The following KCNU1 variants were observed in gnomAD, a reference collection of about 807,000 sequenced individuals.
KCNU1 encodes potassium calcium-activated channel subfamily U member 1, also known as potassium channel subfamily U member 1.
Under a neutral mutation model 126.8 loss-of-function variants are expected in KCNU1, and 93 were observed. That is an observed-to-expected ratio of 0.73 (90% confidence interval 0.62 to 0.87). The LOEUF (loss-of-function observed/expected upper bound fraction) is 0.87. KCNU1 is among the 40% of genes least tolerant of loss of function. The pLI is 0.00. For missense variants in KCNU1, 1,330 were observed against 1,367.1 expected (o/e 0.97, Z 0.43); for synonymous variants, 523 against 494.2 (o/e 1.06, Z -0.77).
At position 36,911,173 on chromosome 8, in the gene KCNU1, T is replaced by A. The variant is rs989798597; in HGVS notation, c.2521+54T>A. ...ACTAGGACGTATGGAAAAAAAGAGA[T>A]AATTAACTCCTCTTTGAAGTATTTT... is the stretch of plus-strand genomic sequence containing the variant. On this transcript the variant is annotated intron_variant, in intron 22 of 26. Coordinates refer to ENST00000399881, the MANE Select transcript of KCNU1 (RefSeq NM_001031836.3). 2.9e-6 allele frequency: 4 copies of A among 1,368,620 alleles called. No individual in the cohort carries two copies. The African/African-American group carries it at 5.8e-5, about 20-fold the overall frequency. The allele number at this position is 1,368,620 out of a possible 1,614,324, so 84.8% of individuals were successfully genotyped here. A position where few individuals can be genotyped will look rare whatever the true frequency, so the allele number is the denominator to read the frequency against.
chr8:36,879,692 GA>G (rs1012859866), intron 19 of KCNU1, among the ~76,000 whole-genome samples: 1 of 152,064 alleles, frequency 6.6e-6, no homozygotes, highest in African/African-American at 2.4e-5. Flanking sequence ...GTAGGAATAA[GA>G]AAAAAATTAG....
Position 36,836,333 on chromosome 8 carries a change from A to G in KCNU1, c.1333A>G (p.Ile445Val). ...SIKNYDSTTR[I>V]IIQILQSHNK... is the part of the protein sequence containing the mutation. Reference sequence around the variant, plus strand: ...CAAGAACTATGATTCTACCACCAGAATCATCATACAGATACTGCAATCCCA... The same window carrying G: ...CAAGAACTATGATTCTACCACCAGAGTCATCATACAGATACTGCAATCCCA... The change falls in exon 13 of 27, where the codon ATC (isoleucine) becomes GTC (valine). Residue 445 changes from isoleucine (I) to valine (V), a missense_variant. By Grantham distance (29) the Ile-to-Val change is conservative. Around this residue, in one of 3 missense-constraint regions of KCNU1, gnomAD observed 1,054 missense variants for 1,053.9 expected, o/e 1.00. Transcript: ENST00000399881. 1.9e-6 allele frequency: 3 copies of G among 1,606,840 alleles called. No individual in the cohort carries two copies. The highest frequency in any genetic ancestry group is 1.3e-5 in the African/African-American group (1 of 74,920).
rs564483891 is a variant in KCNU1 at position 36,817,698 on chromosome 8, C to T, written c.1044C>T (p.Phe348=). ...TCACTGTGGACAGTGTGACCGCTTT[C>T]CTGAGGAATTTCCTCCGCGACAAGT... ...GNITVDSVTA[F]LRNFLRDKSG... The change falls in exon 10 of 27, where the codon TTC becomes TTT. Residue 348 remains phenylalanine (F), a synonymous_variant. Transcript: ENST00000399881. The T allele has an allele frequency of 6.4e-5, 103 of 1,613,008 alleles. No homozygotes were observed. Among genetic ancestry groups the T allele is most frequent in the Non-Finnish European group, 8.4e-5 (99 of 1,179,280 alleles).
chr8:36,859,423 G>A (rs1805649089), intron 18 of KCNU1, among the ~76,000 whole-genome samples: 1 of 151,962 alleles, frequency 6.6e-6, no homozygotes, highest in South Asian at 2.1e-4. Context: ...AATTTCCTTG[G>A]TCCCACTACT....
rs1445948459 is a variant in KCNU1 at position 36,928,341 on chromosome 8, AT to A, written c.2737-2609del. Among the ~76,000 whole-genome samples the A allele has an allele frequency of 2.6e-5, 4 of 152,226 alleles. No homozygotes were observed. The East Asian group carries it at 7.8e-4, about 30-fold the overall frequency. ...AGTGGAGAATTATTCTAATGGCATTATGTTCGATCACTCTACACTATGGCCA... is the reference window on the plus strand; with the variant it reads ...AGTGGAGAATTATTCTAATGGCATTAGTTCGATCACTCTACACTATGGCCA... On this transcript the variant is annotated intron_variant, in intron 24 of 26. Coordinates refer to ENST00000399881, the MANE Select transcript of KCNU1 (RefSeq NM_001031836.3).
At chr8:36,813,834 A>C (rs1364267336) in intron 7 of KCNU1, among the ~76,000 whole-genome samples, 1 of 151,220 alleles carries the variant, frequency 6.6e-6, no homozygotes. Flanking sequence ...CTAGTTAAAA[A>C]GTGAGAATAT....
intron 10 of KCNU1, among the ~76,000 whole-genome samples, chr8:36,832,070 C>T (rs1301810508): frequency 6.6e-6 from 1 of 152,068 alleles, no homozygotes; most frequent in Non-Finnish European, 1.5e-5. Flanking sequence ...CAGATAGTTG[C>T]AGATATGCAG....
Position 36,935,735 on chromosome 8 carries a change from G to A in KCNU1, c.3265G>A (p.Val1089Ile). ...DSVTETLYSP[V>I]YSYQPRTNSL... ...AGTTACTGAGACATTGTATTCACCA[G>A]TCTATTCTTACCAGCCGAGAACTAA... The change falls in exon 27 of 27, where the codon GTC becomes ATC. Residue 1089 changes from valine (V) to isoleucine (I), a missense_variant. Coordinates refer to ENST00000399881, the MANE Select transcript of KCNU1 (RefSeq NM_001031836.3). The A allele has an allele frequency of 6.2e-7, 1 of 1,613,318 alleles. No individual in the cohort carries two copies. Among genetic ancestry groups the A allele is most frequent in the Non-Finnish European group, 8.5e-7 (1 of 1,179,490 alleles).
At chr8:36,912,212 G>T (rs937978307) in intron 22 of KCNU1, among the ~76,000 whole-genome samples, 1 of 152,182 alleles carries the variant, frequency 6.6e-6, no homozygotes, top group African/African-American at 2.4e-5. Flanking sequence ...GATAATGGCT[G>T]TCGATAACAA....
At chr8:36,815,056 C>A (rs1803858212) in intron 8 of KCNU1, among the ~76,000 whole-genome samples, 2 of 152,112 alleles carry the variant, frequency 1.3e-5, no homozygotes, top group African/African-American at 4.8e-5. Context: ...GAGGGCCAGG[C>A]ACAGTTGCTC....
chr8:36,883,256 T>A (rs1806555346), intron 19 of KCNU1, among the ~76,000 whole-genome samples: 1 of 152,190 alleles, frequency 6.6e-6, no homozygotes, highest in South Asian at 2.1e-4. Context: ...TGGTGACCTA[T>A]CATGCTTTAA....
chr8:36,872,799 G>C (rs562948041), intron 19 of KCNU1, among the ~76,000 whole-genome samples: 1 of 152,192 alleles, frequency 6.6e-6, no homozygotes, highest in Non-Finnish European at 1.5e-5. Context: ...GTAAGACAGA[G>C]GACTTAGAGA....
At chr8:36,887,452 GTT>G (rs138240609) in intron 19 of KCNU1, among the ~76,000 whole-genome samples, 122 of 99,264 alleles carry the variant, frequency 1.2e-3, no homozygotes, top group African/African-American at 4.0e-3. Flanking sequence ...GTTTTTTTTT[GTT>G]TTTTTTTTTT....
chr8:36,921,659 GAAA>G (rs58109120), intron 23 of KCNU1, among the ~76,000 whole-genome samples: 12 of 97,730 alleles, frequency 1.2e-4, no homozygotes, highest in Admixed American at 2.1e-4. Context: ...ATGAAGTGAG[GAAA>G]AAAAAAAAAA....
At chr8:36,795,105 A>T (rs1056655705) in intron 2 of KCNU1, 1 of 152,216 alleles carries the variant, frequency 6.6e-6, no homozygotes, top group Non-Finnish European at 1.5e-5. Context: ...AGGGCAAAAA[A>T]GGATTAATGG....
At chr8:36,827,465 T>C (rs1249544798) in intron 10 of KCNU1, among the ~76,000 whole-genome samples, 2 of 152,170 alleles carry the variant, frequency 1.3e-5, no homozygotes, top group African/African-American at 4.8e-5. Context: ...GTAAAATGCG[T>C]TCAGGGGAAG....
intron 22 of KCNU1, among the ~76,000 whole-genome samples, chr8:36,912,976 A>G (rs1205831341): frequency 6.6e-6 from 1 of 151,046 alleles, no homozygotes; most frequent in Non-Finnish European, 1.5e-5. Context: ...AAAAAAAAAA[A>G]AAAGCTTATA....
At chr8:36,802,917 G>T (rs2130399815) in intron 2 of KCNU1, among the ~76,000 whole-genome samples, 1 of 152,278 alleles carries the variant, frequency 6.6e-6, no homozygotes, top group Middle Eastern at 3.4e-3. Context: ...AGGAGCTAGA[G>T]AAATGTTTGT....
rs560669552 is a variant in KCNU1, at chr8:36,908,704, G to A, written c.2107-607G>A. ...TTTCTTTTTCTTGTATGCACTTTGC[G>A]TGATGAATTTCCTTGATGCAGGAGT... On this transcript the variant is annotated intron_variant, in intron 20 of 26. Transcript: ENST00000399881. 2.0e-5 allele frequency among the ~76,000 whole-genome samples: 3 copies of A among 151,956 alleles called. No individual in the cohort carries two copies. In the South Asian group the frequency reaches 6.2e-4, roughly 32 times the overall value.
Sources: allele counts gnomAD v4.1 joint callset (sites outside exome capture counted in the v4.1 genomes callset), GRCh38; gene constraint gnomAD v4.1.1; regional missense constraint gnomAD v4.1.1; transcripts MANE v1.5; gene names NCBI Gene and HGNC (gene_info 2026-07-23, HGNC 2026-07-21).